The following ADAMTSL3 variants were observed in gnomAD, a reference collection of about 807,000 sequenced individuals.
The protein encoded by ADAMTSL3 is ADAMTS-like protein 3.
A neutral mutation model predicts 201.7 loss-of-function variants in ADAMTSL3; 128 were observed. The observed-to-expected ratio is 0.63, with a 90% CI of 0.55 to 0.73. ADAMTSL3 has a LOEUF of 0.73. Ranked by LOEUF, ADAMTSL3 falls within the 30% of genes least tolerant of loss-of-function variation. The pLI is 0.00. For synonymous variants in ADAMTSL3, 738 were observed against 748.4 expected (o/e 0.99, Z 0.23); for missense variants, 1,990 against 2,119.6 (o/e 0.94, Z 1.20).
chr15:83,759,703 AG>A (rs1329020683), intron 3 of ADAMTSL3, among the ~76,000 whole-genome samples: 3 of 152,194 alleles, frequency 2.0e-5, no homozygotes, highest in Admixed American at 2.0e-4. Context: ...GATGGGATTT[AG>A]GGTGAATCTC....
intron 7 of ADAMTSL3, 93 bp from the exon 8 acceptor site, chr15:83,858,673 T>C: frequency 1.1e-6 from 1 of 943,358 alleles, no homozygotes; most frequent in Non-Finnish European, 1.7e-6. Flanking sequence ...GTTAAGAATA[T>C]TTTGCAGACG....
chr15:83,789,100 C>T (rs1364393197), intron 4 of ADAMTSL3, among the ~76,000 whole-genome samples: 1 of 151,994 alleles, frequency 6.6e-6, no homozygotes, highest in African/African-American at 2.4e-5. Flanking sequence ...CATGAGCCAC[C>T]ACACCCAGCC....
At chr15:83,969,878 T>C (rs2067160711) in intron 19 of ADAMTSL3, among the ~76,000 whole-genome samples, 1 of 152,350 alleles carries the variant, frequency 6.6e-6, no homozygotes, top group East Asian at 1.9e-4. Flanking sequence ...GTAGATCTTA[T>C]GTGAAGTGTT....
chr15:83,836,941 A>G (rs543570704), intron 6 of ADAMTSL3, among the ~76,000 whole-genome samples: 4 of 152,364 alleles, frequency 2.6e-5, no homozygotes, highest in African/African-American at 9.6e-5. Context: ...GAAGGAAGAG[A>G]TAAACCATCA....
intron 2 of ADAMTSL3, among the ~76,000 whole-genome samples, chr15:83,657,112 G>A (rs1381598762): frequency 6.6e-6 from 1 of 152,196 alleles, no homozygotes; most frequent in Non-Finnish European, 1.5e-5. Context: ...GACTGTTGAG[G>A]TAAAAGCGTG....
intron 3 of ADAMTSL3, among the ~76,000 whole-genome samples, chr15:83,714,885 CCTT>C (rs1567093444): frequency 2.7e-4 from 4 of 14,802 alleles, no homozygotes; most frequent in East Asian, 0.018. Context: ...TCCCTTCCTT[CCTT>C]CCTTCCTTCC....
intron 15 of ADAMTSL3, among the ~76,000 whole-genome samples, chr15:83,909,396 G>T (rs1333421531): frequency 6.6e-6 from 1 of 152,102 alleles, no homozygotes; most frequent in Non-Finnish European, 1.5e-5. Flanking sequence ...TTTTCAGGAT[G>T]TATTTCAGTC....
At chr15:84,031,608 T>A (rs1431125246) in intron 28 of ADAMTSL3, among the ~76,000 whole-genome samples, 176 bp downstream of exon 28, 1 of 152,164 alleles carries the variant, frequency 6.6e-6, no homozygotes, top group Non-Finnish European at 1.5e-5. Context: ...GAAATACTAG[T>A]TAATGTGCAC....
chr15:83,818,573 C>T (rs1293051021), intron 5 of ADAMTSL3, among the ~76,000 whole-genome samples: 4 of 152,188 alleles, frequency 2.6e-5, no homozygotes, highest in Admixed American at 6.5e-5. Flanking sequence ...GTGATCGGCC[C>T]GCCTCAGCCA....
At chr15:83,798,896 G>T (rs1051809556) in intron 4 of ADAMTSL3, among the ~76,000 whole-genome samples, 2 of 151,802 alleles carry the variant, frequency 1.3e-5, no homozygotes, top group African/African-American at 4.8e-5. Flanking sequence ...ATGGTAGCAG[G>T]TTCTTTAATA....
intron 17 of ADAMTSL3, among the ~76,000 whole-genome samples, chr15:83,932,568 A>C (rs1203013203): frequency 1.3e-5 from 2 of 152,206 alleles, no homozygotes; most frequent in Non-Finnish European, 2.9e-5. Context: ...TTGCAAGGAG[A>C]ACTATCTGTC....
chr15:83,973,033 T>G (rs1257033676), intron 20 of ADAMTSL3, among the ~76,000 whole-genome samples: 4 of 152,124 alleles, frequency 2.6e-5, no homozygotes, highest in Non-Finnish European at 4.4e-5. Flanking sequence ...CTCTTCACCC[T>G]TCTTCAGGAC....
chr15:84,026,498 A>G (rs922201486), intron 27 of ADAMTSL3, among the ~76,000 whole-genome samples: 14 of 152,206 alleles, frequency 9.2e-5, no homozygotes, highest in African/African-American at 3.1e-4. Flanking sequence ...AACCAAAACA[A>G]TTTTGAAAAG....
intron 6 of ADAMTSL3, among the ~76,000 whole-genome samples, chr15:83,824,617 C>T (rs1163367180): frequency 6.6e-6 from 1 of 152,096 alleles, no homozygotes; most frequent in Admixed American, 6.6e-5. Flanking sequence ...ACCTAAAAAT[C>T]CTCTATGCTT....
chr15:83,686,774 C>T lies in ADAMTSL3; in HGVS notation c.70-17615C>T, dbSNP rs145098119. Among the ~76,000 whole-genome samples, 273 of 152,238 alleles carry T rather than the reference C, an allele frequency of 1.8e-3. 1 individual carries two copies. The Middle Eastern group carries it at 0.027, about 15-fold the overall frequency. ...TTGCCTGACTTAAATCAGTGCCTTT[C>T]CTTCTCCTCAGAACTTTTAGGGAAG... is the stretch of plus-strand genomic sequence containing the variant. On this transcript the variant is annotated intron_variant, in intron 2 of 29. Coordinates refer to ENST00000286744, the MANE Select transcript of ADAMTSL3 (RefSeq NM_207517.3).
intron 2 of ADAMTSL3, among the ~76,000 whole-genome samples, chr15:83,690,697 T>C (rs2061598630): frequency 6.6e-6 from 1 of 152,096 alleles, no homozygotes; most frequent in Admixed American, 6.5e-5. Context: ...TCCCAGACAG[T>C]GAGTTCCATG....
At chr15:83,868,461 A>G (rs754641385) in intron 8 of ADAMTSL3, among the ~76,000 whole-genome samples, 23 of 152,194 alleles carry the variant, frequency 1.5e-4, no homozygotes, top group Admixed American at 6.5e-5. Context: ...AAAGAACTGC[A>G]TCGGCCTCCA....
At chr15:83,912,781 G>A (rs953874063) in intron 15 of ADAMTSL3, among the ~76,000 whole-genome samples, 2 of 151,994 alleles carry the variant, frequency 1.3e-5, no homozygotes, top group Non-Finnish European at 2.9e-5. Flanking sequence ...TCCATATGAT[G>A]GTTTATTTAT....
intron 17 of ADAMTSL3, among the ~76,000 whole-genome samples, chr15:83,936,849 A>G (rs951492369): frequency 4.0e-5 from 6 of 151,062 alleles, no homozygotes; most frequent in Non-Finnish European, 7.4e-5. Context: ...AAAGTGGGCA[A>G]ATGATGTGAA....
Sources: gnomAD v4.1 joint callset for allele counts (sites outside exome capture counted in the v4.1 genomes callset) on GRCh38, gnomAD v4.1.1 for gene constraint, MANE v1.5 for transcripts, NCBI Gene and HGNC (gene_info 2026-07-23, HGNC 2026-07-21) for gene names.